CCDC88A: variants seen among roughly 807,000 people sequenced by gnomAD.
CCDC88A encodes girdin.
CCDC88A carries 54 observed loss-of-function variants against 234.3 expected under a neutral mutation model. The ratio of observed to expected loss-of-function variants is 0.23; its 90% CI spans 0.19 to 0.29. CCDC88A has a LOEUF of 0.29. CCDC88A is among the 10% of genes least tolerant of loss of function. The pLI is 1.00. For synonymous variants in CCDC88A, 753 were observed against 737.8 expected (o/e 1.02, Z -0.33); for missense variants, 1,832 against 2,123.4 (o/e 0.86, Z 2.70).
chr2:55,297,633 A>G (rs1680356869), intron 29 of CCDC88A, among the ~76,000 whole-genome samples: 1 of 150,588 alleles, frequency 6.6e-6, no homozygotes, highest in South Asian at 2.1e-4. Context: ...TTGGTCTGTA[A>G]CTCCTGACCT....
intron 25 of CCDC88A, among the ~76,000 whole-genome samples, chr2:55,306,768 G>A (rs1681625364): frequency 6.6e-6 from 1 of 152,082 alleles, no homozygotes; most frequent in South Asian, 2.1e-4. Context: ...TAGACACGAA[G>A]TTTCACCATG....
At chr2:55,387,893 C>T (rs1207093206) in intron 3 of CCDC88A, among the ~76,000 whole-genome samples, 1 of 151,064 alleles carries the variant, frequency 6.6e-6, no homozygotes, top group East Asian at 1.9e-4. Context: ...AATTTATTTG[C>T]ACCTAATAAC....
chr2:55,370,430 T>G (rs1444696552), intron 5 of CCDC88A, among the ~76,000 whole-genome samples: 1 of 151,520 alleles, frequency 6.6e-6, no homozygotes, highest in Non-Finnish European at 1.5e-5. Flanking sequence ...TCACCTGAGG[T>G]CAGGGTTTTG....
At chr2:55,413,137 G>A (rs1401598275) in intron 2 of CCDC88A, among the ~76,000 whole-genome samples, 3 of 152,298 alleles carry the variant, frequency 2.0e-5, no homozygotes, top group Non-Finnish European at 2.9e-5. Context: ...CAGCCTAGGA[G>A]TTTGAGGTTG....
At chr2:55,410,486 C>G (rs1680288068) in intron 2 of CCDC88A, among the ~76,000 whole-genome samples, 1 of 152,104 alleles carries the variant, frequency 6.6e-6, no homozygotes, top group Non-Finnish European at 1.5e-5. Flanking sequence ...AATATTTAGG[C>G]CTATTGTGGT....
intron 4 of CCDC88A, among the ~76,000 whole-genome samples, chr2:55,374,368 C>CTAAA (rs144921253): frequency 1.6e-3 from 241 of 151,764 alleles, no homozygotes; most frequent in African/African-American, 5.1e-3. Flanking sequence ...AACTGCATCT[C>CTAAA]TAAATAAATA....
intron 7 of CCDC88A, among the ~76,000 whole-genome samples, chr2:55,358,131 C>T (rs558214281): frequency 4.6e-5 from 7 of 152,088 alleles, no homozygotes; most frequent in African/African-American, 1.7e-4. Context: ...GTTACTGACT[C>T]ACTCTTTGAA....
rs1676386297 is a variant in CCDC88A at position 55,390,054 on chromosome 2, AAAT to A, written c.165-1171_165-1169del. ...AGACTCAAAAAAAAAAAAAAATAAA[AAAT>A]AAAGATAGAACATTTCAAAGTTATT... On this transcript the variant is annotated intron_variant, in intron 2 of 32. Coordinates refer to ENST00000436346, the MANE Select transcript of CCDC88A (RefSeq NM_001365480.1). Among the ~76,000 whole-genome samples the A allele has an allele frequency of 1.3e-4, 4 of 30,840 alleles. No homozygotes were observed. The East Asian group carries it at 1.4e-3, about 11-fold the overall frequency. 20.2% of individuals were successfully genotyped at this position (30,840 alleles called of 152,430 possible).
Position 55,361,658 on chromosome 2 carries a change from A to G in CCDC88A, c.627+650T>C, listed in dbSNP as rs528341377. 2.6e-5 allele frequency among the ~76,000 whole-genome samples: 4 copies of G among 152,356 alleles called. No individual in the cohort carries two copies. The East Asian group carries it at 7.7e-4, about 29-fold the overall frequency. ...AGCTATATATTCTGCAGAATGGCAG[A>G]GTACTTTGCTCTGCTATTAAGAAAA... On this transcript the variant is annotated intron_variant, in intron 7 of 32. Transcript: ENST00000436346.
At chr2:55,403,007 TAA>T (rs796738828) in intron 2 of CCDC88A, among the ~76,000 whole-genome samples, 2 of 142,884 alleles carry the variant, frequency 1.4e-5, no homozygotes, top group African/African-American at 2.6e-5. Flanking sequence ...AGACTCCGTC[TAA>T]AAAAAAAAAA....
At chr2:55,385,538 C>T (rs573865998) in intron 3 of CCDC88A, among the ~76,000 whole-genome samples, 5 of 151,986 alleles carry the variant, frequency 3.3e-5, no homozygotes, top group Non-Finnish European at 7.4e-5. Context: ...AGAATAAATA[C>T]TAAAAGTAGC....
chr2:55,376,830 CTTCA>C (rs1248381762), intron 3 of CCDC88A, among the ~76,000 whole-genome samples: 1 of 152,032 alleles, frequency 6.6e-6, no homozygotes. Flanking sequence ...TAAATTTCTG[CTTCA>C]TTCAATTTTT....
intron 3 of CCDC88A, among the ~76,000 whole-genome samples, chr2:55,387,428 C>A (rs1220760592): frequency 6.6e-6 from 1 of 151,818 alleles, no homozygotes; most frequent in Non-Finnish European, 1.5e-5. Flanking sequence ...AAAGTCACCT[C>A]TGAAAAAACA....
intron 29 of CCDC88A, among the ~76,000 whole-genome samples, chr2:55,297,337 A>T (rs527302031): frequency 0.054 from 991 of 18,204 alleles, 21 homozygotes; most frequent in Middle Eastern, 0.14. Context: ...ATAATATATA[A>T]ATTTATATAT....
rs1287474423 is a variant in CCDC88A at position 55,309,128 on chromosome 2, A to C, written c.4172+34T>G. On this transcript the variant is annotated intron_variant, in intron 24 of 32. Coordinates refer to ENST00000436346, the MANE Select transcript of CCDC88A (RefSeq NM_001365480.1). The surrounding 1 kb of genome is among the most constrained non-coding windows in gnomAD (Gnocchi z 5.1). Reference sequence around the variant, plus strand: ...TAGAAATAACCTAGTGTTTTTTTTCAGAATAAGAATTCATAAAATTTGGTT... The same window carrying C: ...TAGAAATAACCTAGTGTTTTTTTTCCGAATAAGAATTCATAAAATTTGGTT... The C allele has an allele frequency of 8.3e-6, 12 of 1,445,354 alleles. No individual in the cohort carries two copies. The highest frequency in any genetic ancestry group is 1.4e-5 in the African/African-American group (1 of 70,820). The allele number at this position is 1,445,354 out of a possible 1,614,324, so 89.5% of individuals were successfully genotyped here.
At chr2:55,355,065 G>C (rs535201099) in intron 8 of CCDC88A, among the ~76,000 whole-genome samples, 2 of 150,590 alleles carry the variant, frequency 1.3e-5, no homozygotes, top group African/African-American at 4.9e-5. Context: ...CTGAAATGTC[G>C]TTATGTGGCA....
chr2:55,355,473 G>C, intron 8 of CCDC88A, 106 bp downstream of exon 8: 2 of 961,084 alleles, frequency 2.1e-6, no homozygotes, highest in East Asian at 5.0e-5. Context: ...ATTTACTTGT[G>C]AAAACACTGA....
chr2:55,408,192 T>C (rs1679919056), intron 2 of CCDC88A, among the ~76,000 whole-genome samples: 2 of 152,220 alleles, frequency 1.3e-5, no homozygotes, highest in Middle Eastern at 3.4e-3. Flanking sequence ...CTATTCAGAA[T>C]TGCAACCTCC....
intron 2 of CCDC88A, among the ~76,000 whole-genome samples, chr2:55,389,826 A>G (rs1226993941): frequency 6.6e-6 from 1 of 151,906 alleles, no homozygotes; most frequent in African/African-American, 2.4e-5. Context: ...GGATCACCTG[A>G]GGTCAGGAGT....
Sources: allele counts gnomAD v4.1 joint callset (sites outside exome capture counted in the v4.1 genomes callset), GRCh38; gene constraint gnomAD v4.1.1; non-coding constraint Gnocchi (gnomAD v3.1); transcripts MANE v1.5; gene names NCBI Gene and HGNC (gene_info 2026-07-23, HGNC 2026-07-21).